Variants in AGMO observed in about 807,000 individuals in gnomAD.
The protein encoded by AGMO is alkylglycerol monooxygenase, also known as glyceryl-ether monooxygenase.
In AGMO, 75 loss-of-function variants were observed where a neutral mutation model predicts 60.2. The ratio of observed to expected loss-of-function variants is 1.25; its 90% confidence interval spans 1.03 to 1.51. AGMO has a LOEUF of 1.51. Among genes scored for constraint, AGMO ranks in the 40% most tolerant of loss-of-function variants. AGMO has a pLI of 0.00. For missense variants in AGMO, 763 were observed against 525.5 expected (o/e 1.45, Z -4.42); for synonymous variants, 261 against 177.1 (o/e 1.47, Z -3.76).
At chr7:15,269,823 G>A (rs1783543761) in intron 12 of AGMO, among the ~76,000 whole-genome samples, 1 of 151,996 alleles carries the variant, frequency 6.6e-6, no homozygotes, top group South Asian at 2.1e-4. Context: ...CATGTGTACT[G>A]ATTGTTTAGT....
intron 2 of AGMO, among the ~76,000 whole-genome samples, chr7:15,548,969 C>T (rs796826566): frequency 0.036 from 5,393 of 150,190 alleles, 139 homozygotes; most frequent in Non-Finnish European, 0.049. Flanking sequence ...GCGGATCTCT[C>T]GGCAGAAACC....
At chr7:15,461,720 A>C (rs1782147865) in intron 3 of AGMO, among the ~76,000 whole-genome samples, 1 of 152,068 alleles carries the variant, frequency 6.6e-6, no homozygotes, top group Admixed American at 6.6e-5. Flanking sequence ...AGGATTTTAG[A>C]ATTCGTTTCC....
At chr7:15,157,213 G>A in the AGMO span, among the ~76,000 whole-genome samples, 3 of 152,090 alleles carry the variant, frequency 2.0e-5, no homozygotes, top group African/African-American at 7.2e-5. Flanking sequence ...ATCCTTTGAA[G>A]CAGGCACTCT....
At chr7:15,486,699 A>G (rs1583602849) in intron 3 of AGMO, among the ~76,000 whole-genome samples, 1 of 152,242 alleles carries the variant, frequency 6.6e-6, no homozygotes, top group Admixed American at 6.5e-5. Flanking sequence ...AATAAAAATA[A>G]CAATGTTCGC....
chr7:15,297,732 T>C (rs1340050396), intron 12 of AGMO, among the ~76,000 whole-genome samples: 2 of 152,218 alleles, frequency 1.3e-5, no homozygotes, highest in African/African-American at 2.4e-5. Flanking sequence ...ATGAATGTAT[T>C]TGCTCTAAGA....
At chr7:15,144,498 T>C in the AGMO span, among the ~76,000 whole-genome samples, 171 of 152,186 alleles carry the variant, frequency 1.1e-3, no homozygotes, top group African/African-American at 3.8e-3. Context: ...TCAAAAAAGG[T>C]GTGTGAAGAG....
At chr7:15,138,864 T>G in the AGMO span, among the ~76,000 whole-genome samples, 1 of 152,178 alleles carries the variant, frequency 6.6e-6, no homozygotes. Context: ...ACTTTTTCAT[T>G]CAGTTCTTAA....
intron 12 of AGMO, among the ~76,000 whole-genome samples, chr7:15,265,656 G>T (rs568929944): frequency 2.0e-4 from 30 of 152,058 alleles, no homozygotes; most frequent in African/African-American, 7.0e-4. Flanking sequence ...ACAAGCTTTT[G>T]CCAGAATATA....
chr7:15,162,454 A>C, the AGMO span, among the ~76,000 whole-genome samples: 1 of 152,106 alleles, frequency 6.6e-6, no homozygotes, highest in Non-Finnish European at 1.5e-5. Flanking sequence ...GCATTTTGGA[A>C]GGCTGGGACA....
At position 15,281,769 on chromosome 7, in the gene AGMO, C is replaced by T. The variant is rs553260572; in HGVS notation, c.1264-80410G>A. Among the ~76,000 whole-genome samples the T allele has an allele frequency of 1.1e-4, 17 of 152,254 alleles. No individual in the cohort carries two copies. In the South Asian group the frequency reaches 3.3e-3, roughly 30 times the overall value. ...CTGGCCTGAAGCCTAAACTATTCAACCCAGTAAATAAATTATTGAGGGGAA... is the reference window on the plus strand; with the variant it reads ...CTGGCCTGAAGCCTAAACTATTCAATCCAGTAAATAAATTATTGAGGGGAA... On this transcript the variant is annotated intron_variant, in intron 12 of 12. Coordinates refer to ENST00000342526, the MANE Select transcript of AGMO (RefSeq NM_001004320.2).
At chr7:15,124,224 T>C in the AGMO span, among the ~76,000 whole-genome samples, 3 of 151,772 alleles carry the variant, frequency 2.0e-5, no homozygotes, top group Non-Finnish European at 2.9e-5. Flanking sequence ...GTTAACAGAA[T>C]TACTCTTTGT....
At position 15,488,805 on chromosome 7, in the gene AGMO, G is replaced by GT. The variant is rs547057038; in HGVS notation, c.409+55966dup. 3.5e-3 allele frequency among the ~76,000 whole-genome samples: 500 copies of GT among 144,706 alleles called. 4 individuals carry two copies. In the South Asian group the frequency reaches 0.039, roughly 11 times the overall value. 94.9% of individuals were successfully genotyped at this position (144,706 alleles called of 152,430 possible). ...TAGTTACATAAGGGCACATTCGGTTGTTTTTTTTTTACAATTAACCATGTG... is the reference window on the plus strand; with the variant it reads ...TAGTTACATAAGGGCACATTCGGTTGTTTTTTTTTTTACAATTAACCATGTG... On this transcript the variant is annotated intron_variant, in intron 3 of 12. Transcript: ENST00000342526.
intron 12 of AGMO, among the ~76,000 whole-genome samples, chr7:15,352,364 C>T (rs1262985742): frequency 6.6e-6 from 1 of 152,086 alleles, no homozygotes; most frequent in African/African-American, 2.4e-5. Context: ...CAGCTGTTGG[C>T]TGCCACTATC....
chr7:15,187,905 C>A, the AGMO span, among the ~76,000 whole-genome samples: 3 of 151,826 alleles, frequency 2.0e-5, no homozygotes, highest in Non-Finnish European at 2.9e-5. Flanking sequence ...TAACTCCCCC[C>A]CGACTGCCCA....
chr7:15,271,714 G>A (rs1264577175), intron 12 of AGMO, among the ~76,000 whole-genome samples: 1 of 152,158 alleles, frequency 6.6e-6, no homozygotes, highest in Non-Finnish European at 1.5e-5. Flanking sequence ...TTGAATAGAA[G>A]TTGTGAAAGT....
At chr7:15,151,136 T>C in the AGMO span, among the ~76,000 whole-genome samples, 1 of 152,096 alleles carries the variant, frequency 6.6e-6, no homozygotes, top group African/African-American at 2.4e-5. Context: ...CTAAGTTTTG[T>C]TTGTTTGTTT....
At chr7:15,164,798 A>T in the AGMO span, among the ~76,000 whole-genome samples, 1 of 152,132 alleles carries the variant, frequency 6.6e-6, no homozygotes, top group Admixed American at 6.6e-5. Context: ...CTGTTTGTGG[A>T]AATGTAAAGT....
At chr7:15,281,006 T>A (rs1281996802) in intron 12 of AGMO, among the ~76,000 whole-genome samples, 4 of 152,112 alleles carry the variant, frequency 2.6e-5, no homozygotes. Context: ...CACCACTGGG[T>A]GGCTAGACTC....
intron 10 of AGMO, among the ~76,000 whole-genome samples, chr7:15,382,278 C>A (rs139245371): frequency 2.2e-4 from 34 of 152,224 alleles, no homozygotes; most frequent in African/African-American, 8.2e-4. Flanking sequence ...CAATTGGATG[C>A]CCAGCCAAAA....
Sources: gnomAD v4.1 joint callset for allele counts (sites outside exome capture counted in the v4.1 genomes callset) on GRCh38, gnomAD v4.1.1 for gene constraint, MANE v1.5 for transcripts, NCBI Gene and HGNC (gene_info 2026-07-23, HGNC 2026-07-21) for gene names.